ZAP70: variants seen among roughly 807,000 people sequenced by gnomAD.
ZAP70 encodes the protein zeta chain of T cell receptor associated protein kinase 70, also known as tyrosine-protein kinase ZAP-70.
In ZAP70, 27 loss-of-function variants were observed where a neutral mutation model predicts 65.8. That is an observed-to-expected ratio of 0.41 (90% CI 0.30 to 0.57). The LOEUF (loss-of-function observed/expected upper bound fraction) is 0.57. Among genes scored for constraint, ZAP70 ranks in the 20% least tolerant of loss-of-function variants. The pLI is 0.28. For synonymous variants in ZAP70, 363 were observed against 360.8 expected, an observed-to-expected ratio of 1.01 and a Z score of -0.07; for missense variants, 696 against 870.5, an observed-to-expected ratio of 0.80 and a Z score of 2.52.
In ZAP70 at chr2:97,733,205, C is replaced by T. The variant is rs200035151; in HGVS notation, c.783C>T (p.Asn261=). ...KEACPNSSAS[N]ASGAAAPTLP... is the part of the protein sequence containing the mutation. The stretch of plus-strand genomic sequence containing the variant: ...CCTGCCCCAACAGCAGTGCCAGCAA[C>T]GCCTCAGGTGACGGCAGCAGGCGGG... The change falls in exon 6 of 14, where the codon AAC becomes AAT. Residue 261 remains asparagine, a synonymous_variant. Coordinates refer to ENST00000264972, the MANE Select transcript of ZAP70 (RefSeq NM_001079.4). The T allele has an allele frequency of 2.3e-5, 37 of 1,613,502 alleles. 1 individual carries two copies. The highest frequency in any genetic ancestry group is 1.7e-4 in the Middle Eastern group (1 of 6,028).
intron 9 of ZAP70, 122 bp from the exon 10 acceptor site, chr2:97,735,128 G>A (rs1414096880): frequency 8.1e-7 from 1 of 1,228,038 alleles, no homozygotes; most frequent in Non-Finnish European, 1.2e-6. Context: ...TCCCAGCCTG[G>A]GTGGCGACTA....
chr2:97,747,838 T>TTG, the ZAP70 span, among the ~76,000 whole-genome samples: 1 of 139,360 alleles, frequency 7.2e-6, no homozygotes, highest in African/African-American at 2.7e-5. Flanking sequence ...TTTTTTTTTT[T>TTG]TTTTTTTTTT....
the ZAP70 span, among the ~76,000 whole-genome samples, chr2:97,749,738 G>A: frequency 1.3e-5 from 2 of 152,216 alleles, no homozygotes; most frequent in Non-Finnish European, 2.9e-5. Context: ...GTCCCTCTAA[G>A]AACCTTGTCC....
the ZAP70 span, among the ~76,000 whole-genome samples, chr2:97,755,587 T>TC: frequency 1.2e-4 from 19 of 152,032 alleles, no homozygotes; most frequent in African/African-American, 3.9e-4. Flanking sequence ...GCCCAAGGCA[T>TC]CCCCCCTTGT....
the ZAP70 span, among the ~76,000 whole-genome samples, chr2:97,755,374 C>G: frequency 6.6e-6 from 1 of 152,196 alleles, no homozygotes; most frequent in Admixed American, 6.5e-5. Context: ...TGCACCAAGG[C>G]TCCGTTTCCA....
chr2:97,739,681 G>T lies in ZAP70; in HGVS notation c.*183G>T, dbSNP rs199740697. 3 of 982,402 alleles carry T rather than the reference G, an allele frequency of 3.1e-6. No individual in the cohort carries two copies. In the African/African-American group the frequency reaches 4.8e-5, roughly 16 times the overall value. The allele number at this position is 982,402 out of a possible 1,614,324, so 60.9% of individuals were successfully genotyped here. On this transcript the variant is annotated 3_prime_UTR_variant, in exon 14 of 14. Transcript: ENST00000264972. ...CTGGCCCCCTGTCCTCTCTGGCTGG[G>T]GAGCAGGGAGGTCCGGGAGGGTGCG...
rs1240493575 is a variant in ZAP70, at chr2:97,737,956, A to T, written c.1624-39A>T. On this transcript the variant is annotated intron_variant, in intron 12 of 13. Transcript: ENST00000264972. This position sits in a 1 kb window ranked among gnomAD's most constrained non-coding sequence, Gnocchi z 5.0. Reference sequence around the variant, plus strand: ...TGGGGAGGGGGATGAGGAGGAGGACACTGGTCACTCACAGGTGTCTCTGCC... The same window carrying T: ...TGGGGAGGGGGATGAGGAGGAGGACTCTGGTCACTCACAGGTGTCTCTGCC... 6.2e-7 allele frequency: 1 copy of T among 1,613,944 alleles called. No homozygotes were observed.
chr2:97,733,269 G>C (rs776834138), intron 6 of ZAP70, 28 bp from the exon 7 acceptor site: 2 of 1,609,084 alleles, frequency 1.2e-6, no homozygotes, highest in Non-Finnish European at 1.7e-6. Context: ...CTGGCCCCCA[G>C]CCCTCACTGT....
the ZAP70 span, among the ~76,000 whole-genome samples, chr2:97,754,163 T>C: frequency 1.3e-5 from 2 of 152,318 alleles, no homozygotes; most frequent in East Asian, 3.9e-4. Context: ...GCCACTCAAA[T>C]ACCTACCCTT....
intron 4 of ZAP70, among the ~76,000 whole-genome samples, chr2:97,732,261 G>A (rs947297369): frequency 1.3e-4 from 20 of 152,208 alleles, no homozygotes; most frequent in Middle Eastern, 3.2e-3. Flanking sequence ...GGTCAGTCTC[G>A]TGATGAGAAA....
intron 4 of ZAP70, among the ~76,000 whole-genome samples, chr2:97,728,133 A>G (rs1246063975): frequency 1.3e-5 from 2 of 152,254 alleles, no homozygotes; most frequent in African/African-American, 4.8e-5. Flanking sequence ...AACACAGCAG[A>G]GCTCATGACA....
chr2:97,734,739 G>A (rs759853845), intron 9 of ZAP70, 27 bp downstream of exon 9: 1 of 1,611,610 alleles, frequency 6.2e-7, no homozygotes, highest in Non-Finnish European at 8.5e-7. Context: ...CGTGGTGGGA[G>A]CACCGCCGCC....
chr2:97,741,977 A>T (rs1342765431), downstream of ZAP70, among the ~76,000 whole-genome samples: 1 of 152,200 alleles, frequency 6.6e-6, no homozygotes, highest in African/African-American at 2.4e-5. Context: ...GGAACGCCTT[A>T]GCTGAGTTCT....
At chr2:97,738,273 C>A (rs112971445) in intron 13 of ZAP70, 166 bp downstream of exon 13, 1 of 709,808 alleles carries the variant, frequency 1.4e-6, no homozygotes, top group Non-Finnish European at 2.4e-6. Context: ...AGCTCTCCAA[C>A]ACACCAGGGT....
At chr2:97,724,892 AGGT>A (rs1677317307) in intron 3 of ZAP70, 197 bp from the exon 4 acceptor site, 1 of 1,531,864 alleles carries the variant, frequency 6.5e-7, no homozygotes, top group African/African-American at 1.4e-5. Context: ...CCGCGCTGGA[AGGT>A]GGGGGTGGTT....
chr2:97,727,611 A>T (rs1419252640), intron 4 of ZAP70, among the ~76,000 whole-genome samples: 5 of 152,172 alleles, frequency 3.3e-5, no homozygotes, highest in Non-Finnish European at 7.4e-5. Context: ...TGGACACGCG[A>T]AGAAGGCTCT....
intron 13 of ZAP70, 99 bp downstream of exon 13, chr2:97,738,206 A>C: frequency 8.2e-7 from 1 of 1,220,664 alleles, no homozygotes; most frequent in Non-Finnish European, 1.2e-6. Context: ...ATGTCATCTC[A>C]CCCAAAGCCC....
chr2:97,734,391 G>A, intron 8 of ZAP70, 129 bp from the exon 9 acceptor site: 3 of 1,448,528 alleles, frequency 2.1e-6, no homozygotes, highest in African/African-American at 2.8e-5. Context: ...ACACGCATGG[G>A]CACCCACCTG....
At position 97,736,443 on chromosome 2, in the gene ZAP70, G is replaced by A. The variant is rs570700265; in HGVS notation, c.1289+987G>A. On this transcript the variant is annotated intron_variant, in intron 10 of 13. Coordinates refer to ENST00000264972, the MANE Select transcript of ZAP70 (RefSeq NM_001079.4). This position sits in a 1 kb window ranked among gnomAD's most constrained non-coding sequence, Gnocchi z 4.0. Reference sequence around the variant, plus strand: ...TTCAGTCATTTGACAGGTGTTTATTGGACAGTTTCTCAGTGACAGGAACTG... The same window carrying A: ...TTCAGTCATTTGACAGGTGTTTATTAGACAGTTTCTCAGTGACAGGAACTG... Among the ~76,000 whole-genome samples, 3 of 152,274 alleles carry A rather than the reference G, an allele frequency of 2.0e-5. No homozygotes were observed. The highest frequency in any genetic ancestry group is 6.5e-5 in the Admixed American group (1 of 15,298).
Sources: gnomAD v4.1 joint callset for allele counts (sites outside exome capture counted in the v4.1 genomes callset) on GRCh38, gnomAD v4.1.1 for gene constraint, Gnocchi (gnomAD v3.1) non-coding constraint, MANE v1.5 for transcripts, NCBI Gene and HGNC (gene_info 2026-07-23, HGNC 2026-07-21) for gene names.